SLC36A4: variants seen among roughly 807,000 people sequenced by gnomAD.
The protein encoded by SLC36A4 is neutral amino acid uniporter 4.
A neutral mutation model predicts 50.5 loss-of-function variants in SLC36A4; 49 were observed. That is an observed-to-expected ratio of 0.97 (90% CI 0.77 to 1.23). SLC36A4 has a LOEUF of 1.23. SLC36A4 is among the 50% of genes most tolerant of loss of function. The pLI is 0.00. For missense variants in SLC36A4, 611 were observed against 608.4 expected (o/e 1.00, Z -0.05); for synonymous variants, 207 against 206.5 (o/e 1.00, Z -0.02).
intron 1 of SLC36A4, among the ~76,000 whole-genome samples, chr11:93,193,191 A>G (rs1045279709): frequency 6.6e-6 from 1 of 152,174 alleles, no homozygotes; most frequent in East Asian, 1.9e-4. Context: ...GTGCTGTAAG[A>G]TTGAGTATGC....
intron 6 of SLC36A4, among the ~76,000 whole-genome samples, chr11:93,178,368 T>C (rs1448343320): frequency 6.6e-6 from 1 of 152,178 alleles, no homozygotes; most frequent in Non-Finnish European, 1.5e-5. Context: ...TGCCCTGCCC[T>C]GCTTTGGCTC....
At chr11:93,188,275 G>C (rs1348871) in intron 1 of SLC36A4, among the ~76,000 whole-genome samples, 99,654 of 152,054 alleles carry the variant, frequency 0.66, 32,961 homozygotes, top group East Asian at 0.81. Flanking sequence ...ATTTTAGCAG[G>C]CTCCATTAGC....
intron 6 of SLC36A4, chr11:93,170,155 T>C (rs1049074079): frequency 6.6e-6 from 1 of 152,098 alleles, no homozygotes; most frequent in African/African-American, 2.4e-5. Context: ...TGGTGCCCTC[T>C]AGAGACAGAG....
Position 93,147,076 on chromosome 11 carries a change from C to T in SLC36A4, c.*1461G>A, listed in dbSNP as rs899714701. The T allele has an allele frequency of 1.3e-5, 2 of 152,126 alleles. No individual in the cohort carries two copies. Among genetic ancestry groups the T allele is most frequent in the Admixed American group, 1.3e-4 (2 of 15,240 alleles). 9.4% of individuals were successfully genotyped at this position (152,126 alleles called of 1,614,324 possible). On this transcript the variant is annotated 3_prime_UTR_variant, in exon 11 of 11. Transcript: ENST00000326402. ...TACCACAGCCTGAAACTTTTGTGCTCGAGGGATCCTCCTGCTTCAGCCTCC... is the reference window on the plus strand; with the variant it reads ...TACCACAGCCTGAAACTTTTGTGCTTGAGGGATCCTCCTGCTTCAGCCTCC...
At position 93,148,398 on chromosome 11, in the gene SLC36A4, T is replaced by C. The variant is rs1454405150; in HGVS notation, c.*139A>G. The C allele has an allele frequency of 2.5e-6, 2 of 791,352 alleles. No homozygotes were observed. The highest frequency in any genetic ancestry group is 4.1e-6 in the Non-Finnish European group (2 of 492,498). 49.0% of individuals were successfully genotyped at this position (791,352 alleles called of 1,614,324 possible). On this transcript the variant is annotated 3_prime_UTR_variant, in exon 11 of 11. Transcript: ENST00000326402. ...TACCACTACTGGTAAAGAGTTATGA[T>C]TACTTCCAAAATATTAATATCGTGC...
chr11:93,196,369 A>G (rs543523792), intron 1 of SLC36A4, among the ~76,000 whole-genome samples: 93 of 152,210 alleles, frequency 6.1e-4, no homozygotes, highest in Non-Finnish European at 9.0e-4. Context: ...TCAAACGATA[A>G]GCACTTTTTT....
chr11:93,172,592 C>T (rs1278352991), intron 6 of SLC36A4, among the ~76,000 whole-genome samples: 2 of 150,906 alleles, frequency 1.3e-5, no homozygotes, highest in East Asian at 3.9e-4. Flanking sequence ...GCTATCCCTC[C>T]CCATCCCCCC....
At position 93,171,365 on chromosome 11, in the gene SLC36A4, A is replaced by G. The variant is rs560747858; in HGVS notation, c.541-3194T>C. 4 of 152,170 alleles carry G rather than the reference A, an allele frequency of 2.6e-5. No individual in the cohort carries two copies. In the South Asian group the frequency reaches 8.3e-4, roughly 32 times the overall value. The allele number at this position is 152,170 out of a possible 1,614,324, so 9.4% of individuals were successfully genotyped here. A position where few individuals can be genotyped will look rare whatever the true frequency, so the allele number is the denominator to read the frequency against. ...CTTATCTACTCTTTATGTCATACAA[A>G]CACACTCACAACTAAAATCTGACAA... On this transcript the variant is annotated intron_variant, in intron 6 of 10. Coordinates refer to ENST00000326402, the MANE Select transcript of SLC36A4 (RefSeq NM_152313.4).
At chr11:93,188,512 G>T (rs1296943247) in intron 1 of SLC36A4, among the ~76,000 whole-genome samples, 1 of 152,032 alleles carries the variant, frequency 6.6e-6, no homozygotes, top group East Asian at 1.9e-4. Flanking sequence ...TTTTCTTTTG[G>T]CTGGTTTTTC....
chr11:93,184,397 A>T, intron 3 of SLC36A4, 33 bp downstream of exon 3: 1 of 1,323,082 alleles, frequency 7.6e-7, no homozygotes, highest in Non-Finnish European at 1.1e-6. Context: ...TGAGAACTGC[A>T]TCTTAACTGG....
At chr11:93,194,566 C>G (rs913785897) in intron 1 of SLC36A4, among the ~76,000 whole-genome samples, 2 of 152,210 alleles carry the variant, frequency 1.3e-5, no homozygotes, top group South Asian at 2.1e-4. Flanking sequence ...ACATAAATAC[C>G]CATTTTTGGA....
intron 8 of SLC36A4, 148 bp downstream of exon 8, chr11:93,165,770 A>G: frequency 4.0e-6 from 2 of 494,450 alleles, no homozygotes. Context: ...ACTAAACTAT[A>G]ATTCTAATCT....
chr11:93,162,838 C>T lies in SLC36A4; in HGVS notation c.905G>A (p.Arg302His), dbSNP rs375634223. 22 of 1,612,880 alleles carry T rather than the reference C, an allele frequency of 1.4e-5. No homozygotes were observed. Among genetic ancestry groups the T allele is most frequent in the African/African-American group, 1.1e-4 (8 of 74,836 alleles). ...PLENQMKESK[R>H]FPQALNIGMG... ...GCCAATATTCAACGCTTGAGGGAAACGCTTTGATTCTTTCATTTGGTTTTC... is the reference window on the plus strand; with the variant it reads ...GCCAATATTCAACGCTTGAGGGAAATGCTTTGATTCTTTCATTTGGTTTTC... Residue 302 changes from arginine to histidine, a missense_variant, in exon 9 of 11, where the codon CGT (arginine) becomes CAT (histidine). Arg to His is a conservative substitution (Grantham distance 29). Coordinates refer to ENST00000326402, the MANE Select transcript of SLC36A4 (RefSeq NM_152313.4).
Position 93,145,551 on chromosome 11 carries a change from C to A in SLC36A4, c.*2986G>T, listed in dbSNP as rs555572459. 1 of 152,180 alleles carries A rather than the reference C, an allele frequency of 6.6e-6. No homozygotes were observed. Among genetic ancestry groups the A allele is most frequent in the African/African-American group, 2.4e-5 (1 of 41,554 alleles). 9.4% of individuals were successfully genotyped at this position (152,180 alleles called of 1,614,324 possible). A position where few individuals can be genotyped will look rare whatever the true frequency, so the allele number is the denominator to read the frequency against. On this transcript the variant is annotated 3_prime_UTR_variant, in exon 11 of 11. Transcript: ENST00000326402. ...AGTTGACTCTGATACTGATGAAACT[C>A]TTGGGTGTAAGGGAACAGTGATTAA...
chr11:93,182,770 C>T lies in SLC36A4; in HGVS notation c.359+36G>A, dbSNP rs773008921. 4.3e-5 allele frequency: 63 copies of T among 1,474,506 alleles called. No individual in the cohort carries two copies. In the South Asian group the frequency reaches 7.3e-4, roughly 17 times the overall value. 91.3% of individuals were successfully genotyped at this position (1,474,506 alleles called of 1,614,324 possible). ...ATCTGATGCTGTAAATAAAAGATAG[C>T]TTTAAAATAAATAGGCTTAACAAAT... On this transcript the variant is annotated intron_variant, in intron 4 of 10. Transcript: ENST00000326402.
At chr11:93,183,754 G>T (rs1303892368) in intron 3 of SLC36A4, among the ~76,000 whole-genome samples, 1 of 151,402 alleles carries the variant, frequency 6.6e-6, no homozygotes, top group Non-Finnish European at 1.5e-5. Flanking sequence ...CTGGAGTGCA[G>T]TGGCGCAATC....
At chr11:93,154,393 T>C (rs1860250702) in intron 9 of SLC36A4, 116 bp from the exon 10 acceptor site, 5 of 460,128 alleles carry the variant, frequency 1.1e-5, no homozygotes, top group Non-Finnish European at 1.8e-5. Flanking sequence ...GCCAGAACCT[T>C]ACTAACTAAA....
intron 2 of SLC36A4, chr11:93,185,150 A>C (rs1407233461): frequency 6.6e-6 from 1 of 152,216 alleles, no homozygotes; most frequent in Non-Finnish European, 1.5e-5. Context: ...GGAAGAAATA[A>C]GTTGAAATGA....
chr11:93,161,768 G>A (rs560006702), intron 9 of SLC36A4, among the ~76,000 whole-genome samples: 1 of 152,204 alleles, frequency 6.6e-6, no homozygotes, highest in Admixed American at 6.5e-5. Flanking sequence ...TTTATTCTTT[G>A]CGTATGTGAA....
Sources: allele counts gnomAD v4.1 joint callset (sites outside exome capture counted in the v4.1 genomes callset), GRCh38; gene constraint gnomAD v4.1.1; transcripts MANE v1.5; gene names NCBI Gene and HGNC (gene_info 2026-07-23, HGNC 2026-07-21).